Variants in HTRA2 observed in about 807,000 individuals in gnomAD.
HTRA2 encodes the protein serine protease HTRA2, mitochondrial.
In HTRA2, 24 loss-of-function variants were observed where a neutral mutation model predicts 42.2. That is an observed-to-expected ratio of 0.57 (90% CI 0.41 to 0.80). The LOEUF is 0.80. Among genes scored for constraint, HTRA2 ranks in the 30% least tolerant of loss-of-function variants. HTRA2 has a pLI of 0.00. For synonymous variants in HTRA2, 245 were observed against 255.8 expected, an observed-to-expected ratio of 0.96 and a Z score of 0.40; for missense variants, 466 against 613.5, an observed-to-expected ratio of 0.76 and a Z score of 2.54.
At position 74,530,313 on chromosome 2, in the gene HTRA2, T is replaced by C; in HGVS notation, c.307T>C (p.Ser103Pro). 1 of 1,598,624 alleles carries C rather than the reference T, an allele frequency of 6.3e-7. No homozygotes were observed. The highest frequency in any genetic ancestry group is 1.3e-5 in the African/African-American group (1 of 74,414). The change falls in exon 1 of 8, where the codon TCG (serine) becomes CCG (proline). Residue 103 changes from serine (S) to proline (P), a missense_variant. Physicochemically the swap from Ser to Pro is moderately conservative, Grantham distance 74 (BLOSUM62 -1). Transcript: ENST00000258080. This position sits in a 1 kb window ranked among gnomAD's most constrained non-coding sequence, Gnocchi z 7.4. ...REASENSGTR[S>P]RAWLAVALGA... ...GGCCTCAGAGAACTCTGGAACCCGT[T>C]CGCGCGCGTGGCTGGCGGTGGCGCT...
chr2:74,530,170 C>T lies in HTRA2; in HGVS notation c.164C>T (p.Pro55Leu). 2 of 1,612,242 alleles carry T rather than the reference C, an allele frequency of 1.2e-6. No individual in the cohort carries two copies. The highest frequency in any genetic ancestry group is 1.3e-5 in the African/African-American group (1 of 75,036). ...CGGGCCCGAGTGACTTATGGGACCC[C>T]CAGTCTCTGGGCCCGGTTGTCTGTT... is the stretch of plus-strand genomic sequence containing the variant. ...DPRARVTYGT[P>L]SLWARLSVGV... The change falls in exon 1 of 8, where the codon CCC becomes CTC. Residue 55 changes from proline (P) to leucine (L), a missense_variant. By Grantham distance (98) the Pro-to-Leu change is moderately conservative. Around this residue, in one of 3 missense-constraint regions of HTRA2, gnomAD observed 222 missense variants for 205.1 expected, o/e 1.08. Transcript: ENST00000258080. The surrounding 1 kb of genome is among the most constrained non-coding windows in gnomAD (Gnocchi z 7.4).
At position 74,531,662 on chromosome 2, in the gene HTRA2, T is replaced by C. The variant is rs1198575027; in HGVS notation, c.1005T>C (p.Ser335=). ...VTAGISFAIP[S]DRLREFLHRG... The stretch of plus-strand genomic sequence containing the variant: ...CTGGAATCTCCTTTGCCATCCCTTC[T>C]GATCGTCTTCGAGAGTTTCTGCATC... Residue 335 remains serine (S), a synonymous_variant, in exon 5 of 8, where the codon TCT becomes TCC. Transcript: ENST00000258080. The C allele has an allele frequency of 8.7e-6, 14 of 1,614,090 alleles. No homozygotes were observed. The highest frequency in any genetic ancestry group is 1.2e-5 in the Non-Finnish European group (14 of 1,180,050).
rs764143677 is a variant in HTRA2, at chr2:74,531,508, C to T, written c.940-89C>T. On this transcript the variant is annotated intron_variant, in intron 4 of 7. Coordinates refer to ENST00000258080, the MANE Select transcript of HTRA2 (RefSeq NM_013247.5). ...GCTATCTCTCAATATCCAACCAGAT[C>T]TCCCCAACACTTGCTGGTACTTTTG... The T allele has an allele frequency of 7.4e-6, 12 of 1,610,862 alleles. No homozygotes were observed. The East Asian group carries it at 2.7e-4, about 36-fold the overall frequency.
At chr2:74,533,452 G>C, downstream of HTRA2, 1 of 648,156 alleles carries the variant, frequency 1.5e-6, no homozygotes, top group Non-Finnish European at 2.7e-6. Context: ...CTCTGAAGGA[G>C]GGTGAAAACT....
At chr2:74,533,410 C>A, downstream of HTRA2, 1 of 587,466 alleles carries the variant, frequency 1.7e-6, no homozygotes, top group Non-Finnish European at 3.0e-6. Context: ...AGCAAAGATT[C>A]CCATGCTTGG....
chr2:74,531,817 G>A, intron 5 of HTRA2, 39 bp from the exon 6 acceptor site: 1 of 1,613,022 alleles, frequency 6.2e-7, no homozygotes, highest in Non-Finnish European at 8.5e-7. Flanking sequence ...GGGAAGGAAG[G>A]ATGTAGCTGG....
In HTRA2 at chr2:74,530,153, A is replaced by G; in HGVS notation, c.147A>G (p.Arg49=). 6.2e-7 allele frequency: 1 copy of G among 1,612,012 alleles called. No individual in the cohort carries two copies. The highest frequency in any genetic ancestry group is 1.1e-5 in the South Asian group (1 of 91,032). The change falls in exon 1 of 8, where the codon CGA becomes CGG. Residue 49 remains arginine, a synonymous_variant. Transcript: ENST00000258080. The surrounding 1 kb of genome is among the most constrained non-coding windows in gnomAD (Gnocchi z 7.4). ...CAGGAACTTCTGACCCCCGGGCCCG[A>G]GTGACTTATGGGACCCCCAGTCTCT... The part of the protein sequence containing the change: ...LTSGTSDPRA[R]VTYGTPSLWA...
At position 74,533,260 on chromosome 2, in the gene HTRA2, T is replaced by G; in HGVS notation, c.*275T>G. On this transcript the variant is annotated 3_prime_UTR_variant, in exon 8 of 8. Transcript: ENST00000258080. ...AGGTAAAGCTGTATCCCCCTAAACT[T>G]AGGGGAGATACTGGAGCTGACCATC... 2 of 538,222 alleles carry G rather than the reference T, an allele frequency of 3.7e-6. No homozygotes were observed. The highest frequency in any genetic ancestry group is 1.9e-5 in the African/African-American group (1 of 52,794). 33.3% of individuals were successfully genotyped at this position (538,222 alleles called of 1,614,324 possible).
chr2:74,533,095 C>A lies in HTRA2; in HGVS notation c.*110C>A. 1.1e-6 allele frequency: 1 copy of A among 941,096 alleles called. No homozygotes were observed. Among genetic ancestry groups the A allele is most frequent in the Non-Finnish European group, 1.7e-6 (1 of 590,744 alleles). 58.3% of individuals were successfully genotyped at this position (941,096 alleles called of 1,614,324 possible). A position where few individuals can be genotyped will look rare whatever the true frequency, so the allele number is the denominator to read the frequency against. ...TTAAATGAACCAGTGGGGGCAGGTC[C>A]CTCCAACCACCAGCACTGACTCCTG... On this transcript the variant is annotated 3_prime_UTR_variant, in exon 8 of 8. Transcript: ENST00000258080.
chr2:74,533,492 A>G, downstream of HTRA2: 1 of 851,432 alleles, frequency 1.2e-6, no homozygotes, highest in South Asian at 1.5e-5. Flanking sequence ...TCCATAGTGC[A>G]TGGTCTGATG....
At chr2:74,529,431 A>C (rs765119733), upstream of HTRA2, 12 of 1,580,450 alleles carry the variant, frequency 7.6e-6, no homozygotes, top group African/African-American at 1.1e-4. Context: ...GAGGCGCAGG[A>C]CGAGGAGGCA....
chr2:74,529,759 C>G, upstream of HTRA2: 1 of 1,491,316 alleles, frequency 6.7e-7, no homozygotes, highest in South Asian at 1.3e-5. Flanking sequence ...CTGAGGCGCG[C>G]CGGAAGGGCT....
chr2:74,531,546 C>T, intron 4 of HTRA2, 51 bp from the exon 5 acceptor site: 1 of 1,613,416 alleles, frequency 6.2e-7, no homozygotes, highest in South Asian at 1.1e-5. Context: ...CGGGTGCCCC[C>T]ATCCCCTACT....
rs751509704 is a variant in HTRA2, at chr2:74,530,266, C to T, written c.260C>T (p.Thr87Ile). Residue 87 changes from threonine to isoleucine, a missense_variant, in exon 1 of 8, where the codon ACC becomes ATC. Physicochemically the swap from Thr to Ile is moderately conservative, Grantham distance 89. Transcript: ENST00000258080. The surrounding 1 kb of genome is among the most constrained non-coding windows in gnomAD (Gnocchi z 7.4). ...CCCCGGGCACAACTGACTGCGGTGA[C>T]CCCAGATACCAGGACCCGGGAGGCC... ...PGPRAQLTAV[T>I]PDTRTREASE... The T allele has an allele frequency of 3.1e-6, 5 of 1,607,320 alleles. No homozygotes were observed. The highest frequency in any genetic ancestry group is 3.4e-5 in the Admixed American group (2 of 59,572).
chr2:74,530,581 G>C lies in HTRA2; in HGVS notation c.507-36G>C. ...GAGGGCGGGCGGGTAGGAGGGGTCA[G>C]AGCCTCCTCTTATCTGTGCTTTCCC... On this transcript the variant is annotated intron_variant, in intron 1 of 7. Transcript: ENST00000258080. The surrounding 1 kb of genome is among the most constrained non-coding windows in gnomAD (Gnocchi z 7.4). 1 of 1,613,648 alleles carries C rather than the reference G, an allele frequency of 6.2e-7. No homozygotes were observed. The highest frequency in any genetic ancestry group is 1.1e-5 in the South Asian group (1 of 91,084).
In HTRA2 at chr2:74,530,069, G is replaced by C; in HGVS notation, c.63G>C (p.Gly21=). The change falls in exon 1 of 8, where the codon GGG becomes GGC. Residue 21 remains glycine, a synonymous_variant. Coordinates refer to ENST00000258080, the MANE Select transcript of HTRA2 (RefSeq NM_013247.5). The surrounding 1 kb of genome is among the most constrained non-coding windows in gnomAD (Gnocchi z 7.4). ...GCCTTCGGGCATGGCGGGCTTTGGGGGGCATTCGCTGGGGGAGGAGACCCC... is the reference window on the plus strand; with the variant it reads ...GCCTTCGGGCATGGCGGGCTTTGGGCGGCATTCGCTGGGGGAGGAGACCCC... ...GWSLRAWRAL[G]GIRWGRRPRL... The C allele has an allele frequency of 6.3e-7, 1 of 1,591,276 alleles. No homozygotes were observed.
At chr2:74,531,461 G>A in intron 4 of HTRA2, 90 bp downstream of exon 4, 1 of 1,606,838 alleles carries the variant, frequency 6.2e-7, no homozygotes, top group Non-Finnish European at 8.5e-7. Context: ...GTTTGGTCAA[G>A]TTTCTGAGCA....
Position 74,530,895 on chromosome 2 carries a change from A to G in HTRA2, c.712-16A>G. 6.2e-7 allele frequency: 1 copy of G among 1,613,908 alleles called. No individual in the cohort carries two copies. Among genetic ancestry groups the G allele is most frequent in the Non-Finnish European group, 8.5e-7 (1 of 1,179,990 alleles). ...CATCTTCAGATGACAGGTCTCTTTT[A>G]CCCATTCTCCCTTAGGAGCCTCTCC... On this transcript the variant is annotated splice_polypyrimidine_tract_variant and intron_variant, in intron 2 of 7. Coordinates refer to ENST00000258080, the MANE Select transcript of HTRA2 (RefSeq NM_013247.5). This position sits in a 1 kb window ranked among gnomAD's most constrained non-coding sequence, Gnocchi z 7.4.
At chr2:74,529,657 T>C (rs1675426098), upstream of HTRA2, 1 of 1,545,930 alleles carries the variant, frequency 6.5e-7, no homozygotes, top group African/African-American at 1.4e-5. Context: ...CGCCCGGCCG[T>C]CGCCGCCGCC....
Sources: allele counts gnomAD v4.1 joint callset, GRCh38; gene constraint gnomAD v4.1.1; regional missense constraint gnomAD v4.1.1; non-coding constraint Gnocchi (gnomAD v3.1); transcripts MANE v1.5; gene names NCBI Gene and HGNC (gene_info 2026-07-23, HGNC 2026-07-21).